The following SLIT2 variants were observed in gnomAD, a reference collection of about 807,000 sequenced individuals.
The protein encoded by SLIT2 is slit homolog 2 protein.
Under a neutral mutation model 185.7 loss-of-function variants are expected in SLIT2, and 41 were observed. That is an observed-to-expected ratio of 0.22 (90% CI 0.17 to 0.29). SLIT2 has a LOEUF of 0.29. Ranked by LOEUF, SLIT2 falls within the 10% of genes least tolerant of loss-of-function variation. The probability of loss-of-function intolerance (pLI) is 1.00; values close to 1 mark genes in which losing one functional copy is unlikely to be tolerated. For missense variants in SLIT2, 1,571 were observed against 1,909.0 expected (o/e 0.82, Z 3.30); for synonymous variants, 693 against 680.2 (o/e 1.02, Z -0.29).
chr4:20,314,434 T>G (rs1034877788), intron 4 of SLIT2, among the ~76,000 whole-genome samples: 4 of 152,158 alleles, frequency 2.6e-5, no homozygotes, highest in African/African-American at 9.7e-5. Context: ...CTGTAGCTAT[T>G]TACTGAGTTC....
At chr4:20,549,181 G>T in intron 24 of SLIT2, 53 bp downstream of exon 24, 2 of 1,126,406 alleles carry the variant, frequency 1.8e-6, no homozygotes. Flanking sequence ...TCTGAGTTTG[G>T]GGTTGTCTTT....
intron 34 of SLIT2, among the ~76,000 whole-genome samples, chr4:20,613,807 T>C (rs1350479850): frequency 6.6e-6 from 1 of 152,204 alleles, no homozygotes; most frequent in Non-Finnish European, 1.5e-5. Context: ...GGTGAGTATA[T>C]GGAGAGGCAG....
At chr4:20,367,258 A>T (rs1207321319) in intron 4 of SLIT2, among the ~76,000 whole-genome samples, 1 of 152,186 alleles carries the variant, frequency 6.6e-6, no homozygotes, top group Non-Finnish European at 1.5e-5. Context: ...CATTAATTAC[A>T]TGGTGCTTCA....
intron 29 of SLIT2, among the ~76,000 whole-genome samples, chr4:20,573,993 C>T (rs7662832): frequency 0.013 from 1,870 of 143,488 alleles, 36 homozygotes; most frequent in African/African-American, 0.045. Flanking sequence ...CTCACTCTGT[C>T]ACCCAGGCTG....
chr4:20,528,829 T>C lies in SLIT2; in HGVS notation c.1463-120T>C, dbSNP rs191905121. On this transcript the variant is annotated intron_variant, in intron 15 of 36. Coordinates refer to ENST00000504154, the MANE Select transcript of SLIT2 (RefSeq NM_004787.4). This position sits in a 1 kb window ranked among gnomAD's most constrained non-coding sequence, Gnocchi z 4.2. ...TTCTCCTGACATCCATTGACCAAAA[T>C]ACCCCAAGTTGTCTCCCTGCTACAT... The C allele has an allele frequency of 1.4e-5, 10 of 728,742 alleles. No individual in the cohort carries two copies. In the East Asian group the frequency reaches 1.9e-4, roughly 13 times the overall value. 45.1% of individuals were successfully genotyped at this position (728,742 alleles called of 1,614,324 possible).
intron 11 of SLIT2, among the ~76,000 whole-genome samples, chr4:20,517,770 G>A (rs73108676): frequency 0.015 from 2,214 of 152,080 alleles, 61 homozygotes; most frequent in African/African-American, 0.05. Context: ...TCTTGAAAGA[G>A]GAACAGCTTT....
chr4:20,371,980 T>C (rs2109319472), intron 4 of SLIT2, among the ~76,000 whole-genome samples: 1 of 152,252 alleles, frequency 6.6e-6, no homozygotes, highest in East Asian at 1.9e-4. Flanking sequence ...TTCTGTGCAA[T>C]ATGTTTTTAA....
intron 4 of SLIT2, among the ~76,000 whole-genome samples, chr4:20,354,901 G>A (rs1442538380): frequency 8.2e-5 from 7 of 84,954 alleles, no homozygotes; most frequent in African/African-American, 2.6e-4. Context: ...GTGTGTGTGT[G>A]TGTGTGAGAG....
At chr4:20,373,889 G>T (rs1447494709) in intron 4 of SLIT2, among the ~76,000 whole-genome samples, 1 of 152,014 alleles carries the variant, frequency 6.6e-6, no homozygotes, top group Non-Finnish European at 1.5e-5. Flanking sequence ...GGAATCACAG[G>T]GGGAAAGAAG....
At chr4:20,588,214 A>T (rs900377106) in intron 29 of SLIT2, among the ~76,000 whole-genome samples, 2 of 152,234 alleles carry the variant, frequency 1.3e-5, no homozygotes, top group Admixed American at 6.5e-5. Context: ...AATATATGAG[A>T]CTTACTGTGC....
At position 20,253,657 on chromosome 4, in the gene SLIT2, C is replaced by T; in HGVS notation, c.-159C>T. ...GGTGGGAGGCGTGTGCCTGAGTGGG[C>T]TCTACTGCCTTGTTCCATATTATTT... On this transcript the variant is annotated 5_prime_UTR_variant, in exon 1 of 37. Transcript: ENST00000504154. The T allele has an allele frequency of 5.1e-6, 4 of 788,990 alleles. No individual in the cohort carries two copies. Among genetic ancestry groups the T allele is most frequent in the Non-Finnish European group, 6.0e-6 (3 of 503,452 alleles). 48.9% of individuals were successfully genotyped at this position (788,990 alleles called of 1,614,324 possible).
intron 4 of SLIT2, among the ~76,000 whole-genome samples, chr4:20,327,822 A>G (rs1719724991): frequency 6.6e-6 from 1 of 152,034 alleles, no homozygotes; most frequent in Non-Finnish European, 1.5e-5. Flanking sequence ...TGGGACTCTG[A>G]TTTCTGTCAA....
chr4:20,367,404 A>G (rs188167209), intron 4 of SLIT2, among the ~76,000 whole-genome samples: 104 of 152,312 alleles, frequency 6.8e-4, no homozygotes, highest in African/African-American at 2.3e-3. Flanking sequence ...TTTAAAGCAT[A>G]TAAAACTAAT....
chr4:20,545,427 C>T (rs537738433), intron 21 of SLIT2, among the ~76,000 whole-genome samples: 1 of 150,694 alleles, frequency 6.6e-6, no homozygotes, highest in Non-Finnish European at 1.5e-5. Context: ...GGAAAGTTTA[C>T]TTATATATGG....
intron 4 of SLIT2, among the ~76,000 whole-genome samples, chr4:20,376,578 A>G (rs1054504149): frequency 3.3e-5 from 5 of 152,086 alleles, no homozygotes; most frequent in Admixed American, 3.3e-4. Context: ...GGTTAAAAAT[A>G]TGGGTGAAAT....
intron 11 of SLIT2, among the ~76,000 whole-genome samples, chr4:20,515,709 A>G (rs1720141985): frequency 6.6e-6 from 1 of 152,222 alleles, no homozygotes; most frequent in Non-Finnish European, 1.5e-5. Flanking sequence ...AATTTCCTTG[A>G]CATTTTTTTG....
Position 20,541,434 on chromosome 4 carries a change from G to T in SLIT2, c.1977-19G>T. 1 of 1,612,550 alleles carries T rather than the reference G, an allele frequency of 6.2e-7. No homozygotes were observed. Among genetic ancestry groups the T allele is most frequent in the Non-Finnish European group, 8.5e-7 (1 of 1,178,882 alleles). On this transcript the variant is annotated intron_variant, in intron 19 of 36. Transcript: ENST00000504154. Reference sequence around the variant, plus strand: ...GAAACCCCAGGCTAAACTGTGCATCGTTTGCCTGTGGCTCTTAGAAACCTC... The same window carrying T: ...GAAACCCCAGGCTAAACTGTGCATCTTTTGCCTGTGGCTCTTAGAAACCTC...
At chr4:20,511,513 C>A (rs1283539663) in intron 11 of SLIT2, among the ~76,000 whole-genome samples, 1 of 147,540 alleles carries the variant, frequency 6.8e-6, no homozygotes, top group Non-Finnish European at 1.5e-5. Flanking sequence ...GCTTCACCTC[C>A]TGGGTTCATG....
chr4:20,363,790 A>G (rs1047744470), intron 4 of SLIT2, among the ~76,000 whole-genome samples: 1 of 152,120 alleles, frequency 6.6e-6, no homozygotes, highest in African/African-American at 2.4e-5. Flanking sequence ...AATTTGATCT[A>G]TAAAATCTAG....
Sources: allele counts gnomAD v4.1 joint callset (sites outside exome capture counted in the v4.1 genomes callset), GRCh38; gene constraint gnomAD v4.1.1; non-coding constraint Gnocchi (gnomAD v3.1); transcripts MANE v1.5; gene names NCBI Gene and HGNC (gene_info 2026-07-23, HGNC 2026-07-21).